Variants in ZNF320 observed in about 807,000 individuals in gnomAD.
ZNF320 encodes zinc finger gene 320.
In ZNF320, 2 loss-of-function variants were observed where a neutral mutation model predicts 6.8. The observed-to-expected ratio is 0.29, with a 90% confidence interval of 0.12 to 0.93. ZNF320 has a LOEUF of 0.93. Ranked by LOEUF, ZNF320 falls within the 40% of genes least tolerant of loss-of-function variation. The pLI is 0.55. For missense variants in ZNF320, 472 were observed against 611.0 expected, an observed-to-expected ratio of 0.77 and a Z score of 2.40; for synonymous variants, 208 against 203.2, an observed-to-expected ratio of 1.02 and a Z score of -0.20.
At chr19:52,869,882 A>C (rs1332930048) in intron 5 of ZNF320, among the ~76,000 whole-genome samples, 2 of 151,756 alleles carry the variant, frequency 1.3e-5, no homozygotes, top group African/African-American at 4.8e-5. Flanking sequence ...CATCTGGCTA[A>C]TGTTTTTTGT....
At chr19:52,874,152 T>C (rs559592143), downstream of ZNF320, 1 of 221,884 alleles carries the variant, frequency 4.5e-6, no homozygotes, top group African/African-American at 2.3e-5. Context: ...ACACGGGAGA[T>C]CTCACCTGGG....
At chr19:52,871,984 T>C (rs1301636619), downstream of ZNF320, among the ~76,000 whole-genome samples, 1 of 152,198 alleles carries the variant, frequency 6.6e-6, no homozygotes, top group East Asian at 1.9e-4. Flanking sequence ...TCATTACTGT[T>C]TCCCTCCATC....
Position 52,880,464 on chromosome 19 carries a change from G to T in ZNF320, c.*132C>A. 1.1e-6 allele frequency: 1 copy of T among 908,978 alleles called. No individual in the cohort carries two copies. Among genetic ancestry groups the T allele is most frequent in the Non-Finnish European group, 1.6e-6 (1 of 615,692 alleles). 56.3% of individuals were successfully genotyped at this position (908,978 alleles called of 1,614,324 possible). A position where few individuals can be genotyped will look rare whatever the true frequency, so the allele number is the denominator to read the frequency against. On this transcript the variant is annotated 3_prime_UTR_variant, in exon 6 of 6. Coordinates refer to ENST00000682928, the MANE Select transcript of ZNF320 (RefSeq NM_001351774.2). ...GACCTACCTGTCTTGGCCTCTCAAA[G>T]TGCTGGGATTACAGGTGTGAGACAC...
In ZNF320 at chr19:52,880,619, T is replaced by C. The variant is rs1364399529; in HGVS notation, c.1507A>G (p.Ser503Gly). ...TGTCAATTAATGCTTGATGGTTTGC[T>C]ATACTCATTGCACTTGAAACAATTG... ...GDNCFKCNEY[S>G]KPSSIN Residue 503 changes from serine to glycine, a missense_variant, in exon 6 of 6, where the codon AGC (serine) becomes GGC (glycine). By Grantham distance (56) the Ser-to-Gly change is moderately conservative. Coordinates refer to ENST00000682928, the MANE Select transcript of ZNF320 (RefSeq NM_001351774.2). The C allele has an allele frequency of 6.2e-7, 1 of 1,610,756 alleles. No individual in the cohort carries two copies. The highest frequency in any genetic ancestry group is 1.7e-5 in the Admixed American group (1 of 59,562).
intron 1 of ZNF320, among the ~76,000 whole-genome samples, chr19:52,894,518 A>C (rs1442699032): frequency 1.4e-4 from 22 of 152,192 alleles, no homozygotes; most frequent in Admixed American, 1.4e-3. Flanking sequence ...ATTTTCCCAG[A>C]AATATGACAG....
chr19:52,877,029 C>T lies in ZNF320; in HGVS notation c.*3567G>A, dbSNP rs149812159. 6.6e-6 allele frequency: 1 copy of T among 152,316 alleles called. No individual in the cohort carries two copies. The highest frequency in any genetic ancestry group is 1.5e-5 in the Non-Finnish European group (1 of 68,106). 9.4% of individuals were successfully genotyped at this position (152,316 alleles called of 1,614,324 possible). A position where few individuals can be genotyped will look rare whatever the true frequency, so the allele number is the denominator to read the frequency against. On this transcript the variant is annotated 3_prime_UTR_variant, in exon 6 of 6. Coordinates refer to ENST00000682928, the MANE Select transcript of ZNF320 (RefSeq NM_001351774.2). ...GGCTGAGGTGGGAGGATCCCTTGAA[C>T]CCAGGAGATTGAAGCTTCAGTGAGG...
At chr19:52,890,184 G>T in intron 4 of ZNF320, 57 bp downstream of exon 4, 1 of 1,596,814 alleles carries the variant, frequency 6.3e-7, no homozygotes, top group Non-Finnish European at 8.5e-7. Context: ...CCAACTCCAG[G>T]CGCCAGCATT....
At chr19:52,890,706 T>C (rs924955329) in intron 3 of ZNF320, among the ~76,000 whole-genome samples, 4 of 151,996 alleles carry the variant, frequency 2.6e-5, no homozygotes, top group Non-Finnish European at 4.4e-5. Context: ...ACCCCATCTC[T>C]ACAAAAATAC....
Position 52,880,848 on chromosome 19 carries a change from T to C in ZNF320, c.1278A>G (p.Ser426=). ...EECDKVYIRK[S]HLERHRRIHT... ...GAATCCTCCTATGTCTTTCAAGGTG[T>C]GATTTGCGAATGTAAACTTTGTCAC... The change falls in exon 6 of 6, where the codon TCA becomes TCG. Residue 426 remains serine, a synonymous_variant. Coordinates refer to ENST00000682928, the MANE Select transcript of ZNF320 (RefSeq NM_001351774.2). 6.2e-7 allele frequency: 1 copy of C among 1,613,996 alleles called. No homozygotes were observed.
chr19:52,862,215 T>G (rs902395202), exon 6 of ZNF320: 1 of 518,872 alleles, frequency 1.9e-6, no homozygotes, highest in African/African-American at 2.0e-5. Context: ...TGATGGATGG[T>G]GAGTAAGTGG....
intron 5 of ZNF320, chr19:52,865,573 A>ATT (rs60429648): frequency 0.47 from 57,843 of 121,890 alleles, 14,734 homozygotes; most frequent in Non-Finnish European, 0.5. Context: ...TCATACATAT[A>ATT]TATTTATATG....
In ZNF320 at chr19:52,888,218, G is replaced by A; in HGVS notation, c.51C>T (p.Phe17=). ...CCAGGCATTTCCACTCCTCCTGAGA[G>A]AATTCTATGGCCACATCCCTGAATG... ...LLTFRDVAIE[F]SQEEWKCLDP... Residue 17 remains phenylalanine (F), a synonymous_variant, in exon 5 of 6, where the codon TTC becomes TTT. Transcript: ENST00000682928. The A allele has an allele frequency of 7.6e-7, 1 of 1,313,954 alleles. No homozygotes were observed. The highest frequency in any genetic ancestry group is 1.1e-6 in the Non-Finnish European group (1 of 951,036). The allele number at this position is 1,313,954 out of a possible 1,614,324, so 81.4% of individuals were successfully genotyped here. A position where few individuals can be genotyped will look rare whatever the true frequency, so the allele number is the denominator to read the frequency against.
chr19:52,860,317 A>G (rs1054932253), downstream of ZNF320, among the ~76,000 whole-genome samples: 5 of 152,044 alleles, frequency 3.3e-5, no homozygotes, highest in African/African-American at 1.2e-4. Flanking sequence ...AGCTATCCTT[A>G]GGCGGTCCCG....
chr19:52,884,258 C>G (rs776482713), intron 5 of ZNF320, among the ~76,000 whole-genome samples: 3 of 152,134 alleles, frequency 2.0e-5, no homozygotes, highest in Non-Finnish European at 4.4e-5. Flanking sequence ...GTTTATTCTT[C>G]AGATCGAGTC....
chr19:52,880,439 GAC>G lies in ZNF320; in HGVS notation c.*155_*156del. 1.5e-6 allele frequency: 1 copy of G among 652,042 alleles called. No homozygotes were observed. Among genetic ancestry groups the G allele is most frequent in the East Asian group, 2.9e-5 (1 of 33,954 alleles). 40.4% of individuals were successfully genotyped at this position (652,042 alleles called of 1,614,324 possible). On this transcript the variant is annotated 3_prime_UTR_variant, in exon 6 of 6. Coordinates refer to ENST00000682928, the MANE Select transcript of ZNF320 (RefSeq NM_001351774.2). ...TGGTCTCAAATTCATGACCTCAAGT[GAC>G]CTACCTGTCTTGGCCTCTCAAAGTG...
chr19:52,866,741 C>T (rs1216032794), intron 5 of ZNF320, among the ~76,000 whole-genome samples: 4 of 151,906 alleles, frequency 2.6e-5, no homozygotes, highest in African/African-American at 7.3e-5. Context: ...CATGATGGCA[C>T]ATACCTGTAA....
intron 5 of ZNF320, among the ~76,000 whole-genome samples, chr19:52,868,714 A>G (rs1205732538): frequency 6.6e-6 from 1 of 152,152 alleles, no homozygotes; most frequent in Admixed American, 6.5e-5. Flanking sequence ...ACCAGTCACA[A>G]AAAATGCTGC....
chr19:52,880,495 C>T lies in ZNF320; in HGVS notation c.*101G>A. 2.5e-5 allele frequency: 31 copies of T among 1,254,518 alleles called. No homozygotes were observed. Among genetic ancestry groups the T allele is most frequent in the Non-Finnish European group, 3.3e-5 (30 of 903,506 alleles). The allele number at this position is 1,254,518 out of a possible 1,614,324, so 77.7% of individuals were successfully genotyped here. A position where few individuals can be genotyped will look rare whatever the true frequency, so the allele number is the denominator to read the frequency against. Reference sequence around the variant, plus strand: ...GGATTACAGGTGTGAGACACCACGCCTGGCCCAATCCTCTTAACATAAACA... The same window carrying T: ...GGATTACAGGTGTGAGACACCACGCTTGGCCCAATCCTCTTAACATAAACA... On this transcript the variant is annotated 3_prime_UTR_variant, in exon 6 of 6. Transcript: ENST00000682928.
Position 52,881,561 on chromosome 19 carries a change from A to G in ZNF320, c.565T>C (p.Tyr189His). ...HRIIHTGEKPYKCKVCDKAFK... is the reference protein window; with the variant it reads ...HRIIHTGEKPHKCKVCDKAFK... ...GCCTTGTCGCAAACCTTACATTTGTATGGTTTCTCTCCAGTATGAATTATC... is the reference window on the plus strand; with the variant it reads ...GCCTTGTCGCAAACCTTACATTTGTGTGGTTTCTCTCCAGTATGAATTATC... Residue 189 changes from tyrosine to histidine, a missense_variant, in exon 6 of 6, where the codon TAC becomes CAC. Transcript: ENST00000682928. The G allele has an allele frequency of 3.1e-6, 5 of 1,614,064 alleles. No homozygotes were observed. Among genetic ancestry groups the G allele is most frequent in the Non-Finnish European group, 4.2e-6 (5 of 1,180,000 alleles).
Sources: gnomAD v4.1 joint callset for allele counts (sites outside exome capture counted in the v4.1 genomes callset) on GRCh38, gnomAD v4.1.1 for gene constraint, MANE v1.5 for transcripts, NCBI Gene and HGNC (gene_info 2026-07-23, HGNC 2026-07-21) for gene names.